Variants in CDH22 observed in about 807,000 individuals in gnomAD.
The protein encoded by CDH22 is cadherin-22.
A neutral mutation model predicts 58.4 loss-of-function variants in CDH22; 30 were observed. The observed-to-expected ratio is 0.51, with a 90% CI of 0.38 to 0.70. CDH22 has a LOEUF of 0.70. CDH22 is among the 30% of genes least tolerant of loss of function. CDH22 has a pLI of 0.00. For synonymous variants in CDH22, 513 were observed against 558.2 expected (o/e 0.92, Z 1.14); for missense variants, 1,014 against 1,233.9 (o/e 0.82, Z 2.67).
chr20:46,187,017 T>TTGTCCTCATAGTAGA, intron 8 of CDH22, 70 bp from the exon 9 acceptor site: 1 of 1,478,602 alleles, frequency 6.8e-7, no homozygotes, highest in Non-Finnish European at 9.1e-7. Flanking sequence ...CTCTCTACTA[T>TTGTCCTCATAGTAGA]GAGGACAATA....
At chr20:46,211,085 C>T (rs2086039913) in intron 6 of CDH22, among the ~76,000 whole-genome samples, 1 of 152,186 alleles carries the variant, frequency 6.6e-6, no homozygotes, top group Admixed American at 6.5e-5. Context: ...GTGAGTTGAG[C>T]CCGATAAGCC....
intron 8 of CDH22, among the ~76,000 whole-genome samples, chr20:46,194,770 C>T (rs181597328): frequency 1.9e-4 from 29 of 152,310 alleles, no homozygotes; most frequent in Non-Finnish European, 3.4e-4. Context: ...CGGTCTGTCT[C>T]CCAGGCTGGA....
intron 1 of CDH22, among the ~76,000 whole-genome samples, chr20:46,302,282 G>A (rs141069460): frequency 8.5e-5 from 13 of 152,166 alleles, no homozygotes; most frequent in Non-Finnish European, 1.6e-4. Context: ...GCAGTGGGGT[G>A]GGGGGGACTG....
chr20:46,188,533 T>G lies in CDH22; in HGVS notation c.1424-1586A>C, dbSNP rs182819936. Among the ~76,000 whole-genome samples, 359 of 152,342 alleles carry G rather than the reference T, an allele frequency of 2.4e-3. 1 individual carries two copies. The highest frequency in any genetic ancestry group is 8.4e-3 in the African/African-American group (348 of 41,578). ...GCAACCTCAGGCATAAATGGGTTAA[T>G]AGGTCGGTGAAGAGACAGATTGAGT... On this transcript the variant is annotated intron_variant, in intron 8 of 11. Transcript: ENST00000537909.
chr20:46,269,354 C>T (rs539996284), intron 1 of CDH22, among the ~76,000 whole-genome samples: 1 of 152,202 alleles, frequency 6.6e-6, no homozygotes, highest in African/African-American at 2.4e-5. Flanking sequence ...ATGCACTTCT[C>T]TAGTGCACAG....
intron 7 of CDH22, among the ~76,000 whole-genome samples, chr20:46,205,407 C>T (rs974426715): frequency 3.3e-5 from 5 of 152,064 alleles, no homozygotes; most frequent in African/African-American, 1.2e-4. Context: ...ATGGGGAAAC[C>T]GAGGCTCAGA....
intron 1 of CDH22, among the ~76,000 whole-genome samples, chr20:46,290,603 G>A (rs542089239): frequency 2.6e-5 from 4 of 152,312 alleles, no homozygotes; most frequent in African/African-American, 9.6e-5. Flanking sequence ...TATAGAGTCA[G>A]GTGTGGGCAC....
intron 1 of CDH22, among the ~76,000 whole-genome samples, chr20:46,268,641 C>T (rs1053028722): frequency 6.6e-6 from 1 of 152,182 alleles, no homozygotes; most frequent in African/African-American, 2.4e-5. Flanking sequence ...CTCCTTAGCC[C>T]CAGACTCCAG....
intron 8 of CDH22, among the ~76,000 whole-genome samples, chr20:46,190,672 C>T (rs2085856822): frequency 6.6e-6 from 1 of 152,250 alleles, no homozygotes; most frequent in East Asian, 1.9e-4. Context: ...CTAATTGATG[C>T]AGCCTTGAGG....
At chr20:46,231,458 G>A (rs1309075789) in intron 3 of CDH22, among the ~76,000 whole-genome samples, 1 of 152,186 alleles carries the variant, frequency 6.6e-6, no homozygotes, top group African/African-American at 2.4e-5. Flanking sequence ...TGCATCTAAA[G>A]TGTCTCTCGG....
At chr20:46,197,634 T>C (rs937857245) in intron 8 of CDH22, among the ~76,000 whole-genome samples, 1 of 152,132 alleles carries the variant, frequency 6.6e-6, no homozygotes, top group Non-Finnish European at 1.5e-5. Flanking sequence ...GGGAACAGGT[T>C]TGAGGAGGCA....
chr20:46,209,229 G>A (rs942247243), intron 7 of CDH22, among the ~76,000 whole-genome samples: 1 of 152,210 alleles, frequency 6.6e-6, no homozygotes, highest in Non-Finnish European at 1.5e-5. Context: ...GGAAGTGAGA[G>A]AGCGAACTAT....
intron 8 of CDH22, among the ~76,000 whole-genome samples, chr20:46,198,010 A>G (rs1239254589): frequency 6.6e-6 from 1 of 151,964 alleles, no homozygotes; most frequent in Admixed American, 6.6e-5. Flanking sequence ...CAGCTCAGAG[A>G]CTCAACCATA....
rs1248909863 is a variant in CDH22 at position 46,300,328 on chromosome 20, T to A, written c.-400+7927A>T. Among the ~76,000 whole-genome samples the A allele has an allele frequency of 2.0e-5, 3 of 152,130 alleles. No homozygotes were observed. The East Asian group carries it at 5.8e-4, about 29-fold the overall frequency. On this transcript the variant is annotated intron_variant, in intron 1 of 11. Transcript: ENST00000537909. The surrounding 1 kb of genome is among the most constrained non-coding windows in gnomAD (Gnocchi z 4.4). The stretch of plus-strand genomic sequence containing the variant: ...GTGAGGCCACAGTCCTATGTCTGGT[T>A]ACCTGAGTCTGTCTGGCTTGTCACC...
chr20:46,252,826 T>G (rs892071438), intron 1 of CDH22, among the ~76,000 whole-genome samples: 6 of 152,164 alleles, frequency 3.9e-5, no homozygotes, highest in African/African-American at 1.4e-4. Context: ...TATAAAAGTG[T>G]CTGTGTGGAC....
At chr20:46,307,056 G>T (rs767023118) in intron 1 of CDH22, among the ~76,000 whole-genome samples, 17 of 152,224 alleles carry the variant, frequency 1.1e-4, no homozygotes, top group Admixed American at 1.1e-3. Context: ...TGTGCTGGGG[G>T]CACCTCGGCC....
intron 1 of CDH22, among the ~76,000 whole-genome samples, chr20:46,306,110 G>A (rs984108991): frequency 2.0e-5 from 3 of 152,236 alleles, no homozygotes; most frequent in Admixed American, 6.5e-5. Flanking sequence ...GCTTTCCTCC[G>A]GCACTGGCCT....
chr20:46,197,526 G>A (rs543851441), intron 8 of CDH22, among the ~76,000 whole-genome samples: 2 of 152,240 alleles, frequency 1.3e-5, no homozygotes, highest in East Asian at 1.9e-4. Context: ...TGGCGGAGGG[G>A]CGTGTATCTG....
Position 46,174,458 on chromosome 20 carries a change from C to A in CDH22, c.*48G>T. ...GAAACGCGTTGTCCTGGGGCCCCGG[C>A]GTGTGCTGGGCGGGTGAGCAGCCGC... On this transcript the variant is annotated 3_prime_UTR_variant, in exon 12 of 12. Coordinates refer to ENST00000537909, the MANE Select transcript of CDH22 (RefSeq NM_021248.3). The surrounding 1 kb of genome is among the most constrained non-coding windows in gnomAD (Gnocchi z 4.4). The A allele has an allele frequency of 7.7e-7, 1 of 1,294,992 alleles. No individual in the cohort carries two copies. The highest frequency in any genetic ancestry group is 1.0e-6 in the Non-Finnish European group (1 of 989,062). 80.2% of individuals were successfully genotyped at this position (1,294,992 alleles called of 1,614,324 possible). A position where few individuals can be genotyped will look rare whatever the true frequency, so the allele number is the denominator to read the frequency against.
Sources: allele counts gnomAD v4.1 joint callset (sites outside exome capture counted in the v4.1 genomes callset), GRCh38; gene constraint gnomAD v4.1.1; non-coding constraint Gnocchi (gnomAD v3.1); transcripts MANE v1.5; gene names NCBI Gene and HGNC (gene_info 2026-07-23, HGNC 2026-07-21).